CYTH1: variants seen among roughly 807,000 people sequenced by gnomAD.
CYTH1 encodes cytohesin 1.
In CYTH1, 18 loss-of-function variants were observed where a neutral mutation model predicts 61.8. The observed-to-expected ratio is 0.29, with a 90% CI of 0.20 to 0.43. CYTH1 has a LOEUF of 0.43. CYTH1 is among the 20% of genes least tolerant of loss of function. The pLI is 1.00. For synonymous variants in CYTH1, 174 were observed against 184.3 expected (o/e 0.94, Z 0.45); for missense variants, 336 against 510.5 (o/e 0.66, Z 3.29).
chr17:78,708,196 C>G lies in CYTH1; in HGVS notation c.170+1G>C. On this transcript the variant is annotated splice_donor_variant, in intron 3 of 13. Coordinates refer to ENST00000446868, the MANE Select transcript of CYTH1 (RefSeq NM_004762.6). LOFTEE classifies it high-confidence loss of function. ...GCCACCTGGCAGCAGGGCAGACTCA[C>G]CTTTCCTCTGTGGATCCCAGGTTTT... The G allele has an allele frequency of 6.2e-7, 1 of 1,614,044 alleles. No individual in the cohort carries two copies.
chr17:78,778,832 G>C (rs1271052028), intron 1 of CYTH1, among the ~76,000 whole-genome samples: 1 of 152,030 alleles, frequency 6.6e-6, no homozygotes, highest in African/African-American at 2.4e-5. Context: ...GAAGTTCTGA[G>C]GTGACGTCTG....
At chr17:78,711,489 C>T (rs1457906748) in intron 1 of CYTH1, among the ~76,000 whole-genome samples, 1 of 151,942 alleles carries the variant, frequency 6.6e-6, no homozygotes, top group East Asian at 1.9e-4. Flanking sequence ...TATTATATTT[C>T]TAGACAGCAT....
intron 1 of CYTH1, among the ~76,000 whole-genome samples, chr17:78,742,134 T>C (rs1055477146): frequency 1.3e-5 from 2 of 152,262 alleles, no homozygotes; most frequent in African/African-American, 4.8e-5. Context: ...CCTCAGCTCC[T>C]ACTAGTTCCT....
At chr17:78,726,872 C>T (rs1460168629) in intron 1 of CYTH1, among the ~76,000 whole-genome samples, 2 of 152,294 alleles carry the variant, frequency 1.3e-5, no homozygotes, top group East Asian at 1.9e-4. Context: ...TGTTCAGAAG[C>T]GGTAGCAAAG....
At chr17:78,677,450 G>A (rs2092713059) in intron 13 of CYTH1, 1 of 197,834 alleles carries the variant, frequency 5.1e-6, no homozygotes, top group African/African-American at 2.4e-5. Context: ...GCAAGCTGGA[G>A]ATGCCCCACC....
chr17:78,742,666 G>A (rs924586945), intron 1 of CYTH1, among the ~76,000 whole-genome samples: 14 of 152,050 alleles, frequency 9.2e-5, no homozygotes, highest in African/African-American at 3.1e-4. Flanking sequence ...CAGCCTAGCC[G>A]ACATGGTGAA....
intron 3 of CYTH1, among the ~76,000 whole-genome samples, chr17:78,707,281 ATG>A (rs1209294305): frequency 6.6e-6 from 1 of 152,144 alleles, no homozygotes; most frequent in African/African-American, 2.4e-5. Flanking sequence ...AAATACAGAC[ATG>A]TAGTGAATTG....
chr17:78,731,770 A>C (rs1450165467), intron 1 of CYTH1, among the ~76,000 whole-genome samples: 2 of 151,658 alleles, frequency 1.3e-5, no homozygotes, highest in Non-Finnish European at 2.9e-5. Context: ...AAAAAAAAAA[A>C]ACAAAAAAAA....
chr17:78,774,851 A>G (rs1374994918), intron 1 of CYTH1, among the ~76,000 whole-genome samples: 2 of 152,192 alleles, frequency 1.3e-5, no homozygotes, highest in African/African-American at 4.8e-5. Context: ...CCAAATCTTG[A>G]GTAGACACTC....
At chr17:78,703,502 TTAC>T (rs1301371577) in intron 3 of CYTH1, among the ~76,000 whole-genome samples, 1 of 152,074 alleles carries the variant, frequency 6.6e-6, no homozygotes, top group Non-Finnish European at 1.5e-5. Flanking sequence ...TTTAGTATAC[TTAC>T]TAAGTTGTGC....
intron 1 of CYTH1, among the ~76,000 whole-genome samples, chr17:78,718,838 CAAATGCCAAAT>C (rs988668368): frequency 5.3e-4 from 81 of 152,344 alleles, no homozygotes; most frequent in Admixed American, 2.0e-4. Flanking sequence ...AGGTGCCCAA[CAAATGCCAAAT>C]GTCTTTCCTT....
intron 13 of CYTH1, among the ~76,000 whole-genome samples, chr17:78,679,024 T>A (rs144963567): frequency 9.8e-4 from 149 of 152,338 alleles, no homozygotes; most frequent in African/African-American, 3.5e-3. Flanking sequence ...CCCTCCATCA[T>A]CACATCATCT....
chr17:78,737,842 G>C, intron 1 of CYTH1, among the ~76,000 whole-genome samples: 1 of 149,426 alleles, frequency 6.7e-6, no homozygotes, highest in East Asian at 2.0e-4. Context: ...TTTGTTATAA[G>C]TATTATATAT....
At chr17:78,716,513 C>A (rs1315039271) in intron 1 of CYTH1, among the ~76,000 whole-genome samples, 1 of 152,180 alleles carries the variant, frequency 6.6e-6, no homozygotes, top group Non-Finnish European at 1.5e-5. Flanking sequence ...CACATGACTG[C>A]TAAATTACTT....
intron 11 of CYTH1, chr17:78,691,228 C>T (rs1274037107): frequency 2.0e-5 from 3 of 152,244 alleles, no homozygotes; most frequent in South Asian, 2.1e-4. Context: ...ATTTACTATC[C>T]TCAGTCACCA....
At chr17:78,769,837 T>G (rs897764119) in intron 1 of CYTH1, among the ~76,000 whole-genome samples, 2 of 151,756 alleles carry the variant, frequency 1.3e-5, no homozygotes, top group African/African-American at 4.8e-5. Flanking sequence ...GCCAACATAG[T>G]GAAACTCCGT....
In CYTH1 at chr17:78,680,155, C is replaced by T. The variant is rs546055271; in HGVS notation, c.1118+35G>A. ...ACACCTGGTGAGGTGAGGGCTGCAC[C>T]AGGCGCGCACTGCCCTTTCTCAGCA... is the stretch of plus-strand genomic sequence containing the variant. On this transcript the variant is annotated intron_variant, in intron 13 of 13. Coordinates refer to ENST00000446868, the MANE Select transcript of CYTH1 (RefSeq NM_004762.6). 429 of 1,611,440 alleles carry T rather than the reference C, an allele frequency of 2.7e-4. 7 individuals are homozygous for T. In the South Asian group the frequency reaches 3.8e-3, roughly 14 times the overall value.
chr17:78,743,062 T>C (rs1462904898), intron 1 of CYTH1, among the ~76,000 whole-genome samples: 2 of 152,180 alleles, frequency 1.3e-5, no homozygotes, highest in Non-Finnish European at 2.9e-5. Context: ...CTTAAAAGTA[T>C]TCCTTGGCAC....
intron 1 of CYTH1, among the ~76,000 whole-genome samples, chr17:78,753,527 A>C (rs1295683998): frequency 6.6e-6 from 1 of 151,794 alleles, no homozygotes; most frequent in African/African-American, 2.4e-5. Flanking sequence ...ATAAATAAAT[A>C]AATAAAGATA....
Sources: gnomAD v4.1 joint callset for allele counts (sites outside exome capture counted in the v4.1 genomes callset) on GRCh38, gnomAD v4.1.1 for gene constraint, MANE v1.5 for transcripts, NCBI Gene and HGNC (gene_info 2026-07-23, HGNC 2026-07-21) for gene names.